The following SGPP2 variants were observed in gnomAD, a reference collection of about 807,000 sequenced individuals.
SGPP2 encodes sphingosine 1-phosphate phosphohydrolase 2.
Under a neutral mutation model 33.9 loss-of-function variants are expected in SGPP2, and 30 were observed. That is an observed-to-expected ratio of 0.89 (90% CI 0.66 to 1.20). The LOEUF (loss-of-function observed/expected upper bound fraction) is 1.20, where lower values mean the gene tolerates loss of function less well. Ranked by LOEUF, SGPP2 falls within the 50% of genes most tolerant of loss-of-function variation. The probability of loss-of-function intolerance (pLI) is 0.00; values close to 1 mark genes in which losing one functional copy is unlikely to be tolerated. For synonymous variants in SGPP2, 233 were observed against 225.0 expected, an observed-to-expected ratio of 1.04 and a Z score of -0.32; for missense variants, 458 against 532.1, an observed-to-expected ratio of 0.86 and a Z score of 1.37.
chr2:222,467,970 A>AC (rs1559152132), intron 1 of SGPP2, among the ~76,000 whole-genome samples: 6 of 129,842 alleles, frequency 4.6e-5, no homozygotes, highest in African/African-American at 7.8e-5. Context: ...AAAAAAAAAA[A>AC]AAAAAAAAAA....
At position 222,528,725 on chromosome 2, in the gene SGPP2, TC is replaced by T. The variant is rs140687222; in HGVS notation, c.648+3693del. Reference sequence around the variant, plus strand: ...TCTGCCTTCTAGATTCAAGCAATTCTCATACCTCGGCCTCCCGAGTAGCTGG... The same window carrying T: ...TCTGCCTTCTAGATTCAAGCAATTCTATACCTCGGCCTCCCGAGTAGCTGG... On this transcript the variant is annotated intron_variant, in intron 4 of 4. Transcript: ENST00000321276. 6.7e-3 allele frequency among the ~76,000 whole-genome samples: 1,026 copies of T among 152,344 alleles called. 4 individuals carry two copies. The highest frequency in any genetic ancestry group is 0.024 in the African/African-American group (978 of 41,578).
intron 1 of SGPP2, among the ~76,000 whole-genome samples, chr2:222,454,232 G>C (rs1034611236): frequency 2.6e-5 from 4 of 152,150 alleles, no homozygotes; most frequent in African/African-American, 9.7e-5. Context: ...AGGAGAGCCT[G>C]CTGGTGTTTA....
At chr2:222,481,040 G>A (rs900951174) in intron 2 of SGPP2, among the ~76,000 whole-genome samples, 2 of 152,154 alleles carry the variant, frequency 1.3e-5, no homozygotes, top group African/African-American at 4.8e-5. Context: ...GGAACTGATT[G>A]ATGAGAACAC....
intron 1 of SGPP2, among the ~76,000 whole-genome samples, chr2:222,467,332 C>G (rs1697761772): frequency 6.6e-6 from 1 of 152,178 alleles, no homozygotes; most frequent in Admixed American, 6.5e-5. Context: ...TCATCGTCAT[C>G]AACAGCCATG....
intron 2 of SGPP2, chr2:222,498,274 T>C (rs958779304): frequency 6.6e-6 from 1 of 152,234 alleles, no homozygotes; most frequent in Non-Finnish European, 1.5e-5. Context: ...ACTATGATGC[T>C]ATTAACATTA....
intron 4 of SGPP2, among the ~76,000 whole-genome samples, chr2:222,537,476 A>T (rs1469984764): frequency 6.6e-6 from 1 of 152,236 alleles, no homozygotes; most frequent in Non-Finnish European, 1.5e-5. Flanking sequence ...TTCCACATGT[A>T]TGTATAGAGA....
At chr2:222,543,502 G>A (rs1689116716) in intron 4 of SGPP2, among the ~76,000 whole-genome samples, 1 of 152,130 alleles carries the variant, frequency 6.6e-6, no homozygotes, top group South Asian at 2.1e-4. Flanking sequence ...ATAAATTAGG[G>A]ACAGTAAGAG....
intron 4 of SGPP2, among the ~76,000 whole-genome samples, chr2:222,533,597 G>A (rs1477605338): frequency 6.6e-6 from 1 of 152,264 alleles, no homozygotes; most frequent in African/African-American, 2.4e-5. Flanking sequence ...AAGCTTACAG[G>A]GAAATGTATT....
chr2:222,459,704 A>G (rs1697630710), intron 1 of SGPP2, among the ~76,000 whole-genome samples: 1 of 151,800 alleles, frequency 6.6e-6, no homozygotes, highest in Non-Finnish European at 1.5e-5. Context: ...CGGAACATGA[A>G]CCTCTATCTA....
At chr2:222,435,411 G>A (rs1445156702) in intron 1 of SGPP2, among the ~76,000 whole-genome samples, 2 of 152,056 alleles carry the variant, frequency 1.3e-5, no homozygotes, top group African/African-American at 4.8e-5. Flanking sequence ...CACCCTCACA[G>A]ACACACCCAG....
chr2:222,488,946 C>G (rs12614290), intron 2 of SGPP2, among the ~76,000 whole-genome samples: 34 of 152,034 alleles, frequency 2.2e-4, no homozygotes, highest in African/African-American at 8.2e-4. Context: ...AAATACATAG[C>G]AATTTGATTC....
chr2:222,506,814 G>T lies in SGPP2; in HGVS notation c.379-14953G>T, dbSNP rs987699060. Among the ~76,000 whole-genome samples the T allele has an allele frequency of 5.3e-5, 8 of 152,156 alleles. No individual in the cohort carries two copies. The East Asian group carries it at 5.8e-4, about 11-fold the overall frequency. ...CTCACAAGTGTTTCACTAAAAGGAA[G>T]TAAGCCAATTTAAAGACCAGTGTTA... On this transcript the variant is annotated intron_variant, in intron 2 of 4. Coordinates refer to ENST00000321276, the MANE Select transcript of SGPP2 (RefSeq NM_152386.4).
In SGPP2 at chr2:222,477,003, TTA is replaced by T. The variant is rs1206496291; in HGVS notation, c.378+2279_378+2280del. Among the ~76,000 whole-genome samples, 1 of 151,214 alleles carries T rather than the reference TTA, an allele frequency of 6.6e-6. No homozygotes were observed. The highest frequency in any genetic ancestry group is 2.5e-5 in the African/African-American group (1 of 40,756). ...ATAGGTGTGTGTATATTTTGTGTAT[TTA>T]TGTGTGTATGTATATAGGTGTGTAT... On this transcript the variant is annotated intron_variant, in intron 2 of 4. Transcript: ENST00000321276. The surrounding 1 kb of genome is among the most constrained non-coding windows in gnomAD (Gnocchi z 6.0).
rs1697819214 is a variant in SGPP2, at chr2:222,470,307, G to A, written c.220-4261G>A. Reference sequence around the variant, plus strand: ...TTAAAAAATAAAATAAAAAAGACAAGTACATGTTGTTTTATTTAGGTACAT... The same window carrying A: ...TTAAAAAATAAAATAAAAAAGACAAATACATGTTGTTTTATTTAGGTACAT... On this transcript the variant is annotated intron_variant, in intron 1 of 4. Coordinates refer to ENST00000321276, the MANE Select transcript of SGPP2 (RefSeq NM_152386.4). 1.3e-5 allele frequency among the ~76,000 whole-genome samples: 2 copies of A among 152,128 alleles called. 1 individual carries two copies. Among genetic ancestry groups the A allele is most frequent in the South Asian group, 4.1e-4 (2 of 4,830 alleles).
chr2:222,452,205 G>A (rs560053162), intron 1 of SGPP2, among the ~76,000 whole-genome samples: 1 of 151,776 alleles, frequency 6.6e-6, no homozygotes, highest in Non-Finnish European at 1.5e-5. Flanking sequence ...AGATCCAATA[G>A]GAAAAAAGAA....
chr2:222,497,044 C>G (rs1186429732), intron 2 of SGPP2, among the ~76,000 whole-genome samples: 1 of 152,086 alleles, frequency 6.6e-6, no homozygotes, highest in Non-Finnish European at 1.5e-5. Context: ...CCTAGAGGTT[C>G]TTTTTAAAAT....
At chr2:222,552,297 T>C (rs1381879863) in intron 4 of SGPP2, among the ~76,000 whole-genome samples, 1 of 152,228 alleles carries the variant, frequency 6.6e-6, no homozygotes, top group African/African-American at 2.4e-5. Flanking sequence ...CTGTTTTCCA[T>C]AGTGGTTGTA....
chr2:222,557,647 G>A (rs548405769), intron 4 of SGPP2, among the ~76,000 whole-genome samples: 22 of 152,294 alleles, frequency 1.4e-4, no homozygotes, highest in African/African-American at 5.3e-4. Flanking sequence ...ACATCAAGGA[G>A]TTAAAGATAT....
chr2:222,475,063 A>T (rs928119385), intron 2 of SGPP2, among the ~76,000 whole-genome samples: 6 of 152,116 alleles, frequency 3.9e-5, no homozygotes, highest in African/African-American at 1.4e-4. Context: ...CCCAACAGGG[A>T]GAGGACCAGT....
Sources: gnomAD v4.1 joint callset for allele counts (sites outside exome capture counted in the v4.1 genomes callset) on GRCh38, gnomAD v4.1.1 for gene constraint, Gnocchi (gnomAD v3.1) non-coding constraint, MANE v1.5 for transcripts, NCBI Gene and HGNC (gene_info 2026-07-23, HGNC 2026-07-21) for gene names.